Variants in SRRM2 observed in about 807,000 individuals in gnomAD.
SRRM2 encodes the protein serine/arginine repetitive matrix protein 2.
A neutral mutation model predicts 213.8 loss-of-function variants in SRRM2; 30 were observed. That is an observed-to-expected ratio of 0.14 (90% CI 0.10 to 0.19). The LOEUF (loss-of-function observed/expected upper bound fraction) is 0.19. Among genes scored for constraint, SRRM2 ranks in the 10% least tolerant of loss-of-function variants. The pLI is 1.00. For missense variants in SRRM2, 4,904 were observed against 3,647.0 expected (o/e 1.34, Z -8.88); for synonymous variants, 2,025 against 1,377.7 (o/e 1.47, Z -10.40).
chr16:2,761,922 G>A lies in SRRM2; in HGVS notation c.1394G>A (p.Gly465Asp). ...CCCACATCTAAGAATCGCTCACATG[G>A]CCGAGCAAAACGGGATAAATCACAT... ...SSPTSKNRSH[G>D]RAKRDKSHSH... Residue 465 changes from glycine to aspartate, a missense_variant, in exon 11 of 15, where the codon GGC (glycine) becomes GAC (aspartate). Gly to Asp is a moderately conservative substitution (Grantham distance 94). Coordinates refer to ENST00000301740, the MANE Select transcript of SRRM2 (RefSeq NM_016333.4). 6.2e-7 allele frequency: 1 copy of A among 1,613,862 alleles called. No homozygotes were observed. The highest frequency in any genetic ancestry group is 8.5e-7 in the Non-Finnish European group (1 of 1,180,012).
At chr16:2,757,968 T>G in intron 4 of SRRM2, 23 bp downstream of exon 4, 2 of 1,591,366 alleles carry the variant, frequency 1.3e-6, no homozygotes, top group Non-Finnish European at 1.7e-6. Context: ...AAGAAACCAC[T>G]GTCAGCTTCT....
intron 9 of SRRM2, chr16:2,760,049 A>G (rs1192171183): frequency 5.3e-6 from 3 of 561,880 alleles, no homozygotes; most frequent in South Asian, 4.2e-5. Context: ...GGCTGGGTGG[A>G]TGGTTTGGGG....
intron 5 of SRRM2, 56 bp from the exon 6 acceptor site, chr16:2,758,929 G>A: frequency 6.3e-7 from 1 of 1,599,836 alleles, no homozygotes; most frequent in Non-Finnish European, 8.6e-7. Context: ...GATTGTAAGT[G>A]GGAGGGCCAG....
chr16:2,760,913 C>T (rs2068321653), intron 10 of SRRM2: 1 of 169,350 alleles, frequency 5.9e-6, no homozygotes, highest in Non-Finnish European at 1.3e-5. Context: ...CAGTAGTCTT[C>T]TGTTCCAATT....
Position 2,770,851 on chromosome 16 carries a change from C to G in SRRM2, c.8250-7C>G, listed in dbSNP as rs1203441276. ...AACTCCCTGTTGACCCATATCTTCT[C>G]TTGCAGGTCTCCATAAATTGTCTTT... On this transcript the variant is annotated splice_polypyrimidine_tract_variant and splice_region_variant and intron_variant, in intron 14 of 14. Transcript: ENST00000301740. 1 of 1,614,092 alleles carries G rather than the reference C, an allele frequency of 6.2e-7. No homozygotes were observed. Among genetic ancestry groups the G allele is most frequent in the Non-Finnish European group, 8.5e-7 (1 of 1,180,018 alleles).
In SRRM2 at chr16:2,752,835, C is replaced by A; in HGVS notation, c.-43C>A. 1 of 280,502 alleles carries A rather than the reference C, an allele frequency of 3.6e-6. No individual in the cohort carries two copies. 17.4% of individuals were successfully genotyped at this position (280,502 alleles called of 1,614,324 possible). ...ACCTCTCCCCCTCGGAGGCGGCGGG[C>A]GGAGGCGGCGGGTGAGAGGGTGAGG... On this transcript the variant is annotated 5_prime_UTR_variant, in exon 1 of 15. Coordinates refer to ENST00000301740, the MANE Select transcript of SRRM2 (RefSeq NM_016333.4).
chr16:2,760,204 C>T, intron 9 of SRRM2, 97 bp from the exon 10 acceptor site: 1 of 1,225,464 alleles, frequency 8.2e-7, no homozygotes, highest in Non-Finnish European at 1.2e-6. Context: ...GAGGGTTGTC[C>T]AGTTAGGAAA....
chr16:2,767,357 G>T lies in SRRM2; in HGVS notation c.6829G>T (p.Val2277Leu). ...GAACTTGGCCAGCCCCAGAACAGCG[G>T]TGGCACCTTCGGCTGTGAACCTGGC... ...AMNLASPRTA[V>L]APSAVNLADP... Residue 2277 changes from valine to leucine, a missense_variant, in exon 11 of 15, where the codon GTG becomes TTG. By Grantham distance (32) the Val-to-Leu change is conservative. Transcript: ENST00000301740. 6.2e-7 allele frequency: 1 copy of T among 1,613,806 alleles called. No individual in the cohort carries two copies. Among genetic ancestry groups the T allele is most frequent in the Non-Finnish European group, 8.5e-7 (1 of 1,180,028 alleles).
chr16:2,758,524 GAAA>G lies in SRRM2; in HGVS notation c.573_575del (p.Lys194del). 6.2e-7 allele frequency: 1 copy of G among 1,614,104 alleles called. No homozygotes were observed. The highest frequency in any genetic ancestry group is 1.7e-5 in the Admixed American group (1 of 60,020). Reference sequence around the variant, plus strand: ...CACCAACCCCAAAGCAGAAGAAGAAGAAAAAGAAGAAAGATAGAGGACGGTAAG... The same window carrying G: ...CACCAACCCCAAAGCAGAAGAAGAAGAAGAAGAAAGATAGAGGACGGTAAG... On this transcript the variant is annotated inframe_deletion, in exon 5 of 15. Transcript: ENST00000301740.
At chr16:2,755,872 A>G (rs2068123002) in intron 1 of SRRM2, among the ~76,000 whole-genome samples, 1 of 152,146 alleles carries the variant, frequency 6.6e-6, no homozygotes, top group South Asian at 2.1e-4. Flanking sequence ...GTTGGGTGCC[A>G]CAGATCTGTG....
rs764370866 is a variant in SRRM2 at position 2,760,357 on chromosome 16, C to G, written c.890C>G (p.Ser297Cys). ...HTTALAGRSP[S>C]PASGRRGEGD... ...ACTGCCTTGGCTGGGCGAAGTCCTT[C>G]CCCTGCTTCAGGGCGACGCGGGGAG... Residue 297 changes from serine to cysteine, a missense_variant, in exon 10 of 15, where the codon TCC becomes TGC. Physicochemically the swap from Ser to Cys is moderately radical, Grantham distance 112. Transcript: ENST00000301740. The G allele has an allele frequency of 1.2e-6, 2 of 1,613,948 alleles. No homozygotes were observed. Among genetic ancestry groups the G allele is most frequent in the Non-Finnish European group, 1.7e-6 (2 of 1,180,034 alleles).
Position 2,768,999 on chromosome 16 carries a change from TCCCCAGCCCCA to T in SRRM2, c.7748_7758del (p.Thr2583LysfsTer22). ...GTGACACTCCTCTCCTCCCACAGGG[TCCCCAGCCCCA>T]CCCCAGCCCCAAAGGAGGCTGTTCG... On this transcript the variant is annotated frameshift_variant, in exon 12 of 15. Transcript: ENST00000301740. LOFTEE classifies it high-confidence loss of function. 6.2e-7 allele frequency: 1 copy of T among 1,612,620 alleles called. No individual in the cohort carries two copies. Among genetic ancestry groups the T allele is most frequent in the Non-Finnish European group, 8.5e-7 (1 of 1,179,422 alleles).
Position 2,766,022 on chromosome 16 carries a change from C to T in SRRM2, c.5494C>T (p.Arg1832Trp), listed in dbSNP as rs376191033. Residue 1832 changes from arginine (R) to tryptophan (W), a missense_variant, in exon 11 of 15, where the codon CGG (arginine) becomes TGG (tryptophan). Coordinates refer to ENST00000301740, the MANE Select transcript of SRRM2 (RefSeq NM_016333.4). This position sits in a 1 kb window ranked among gnomAD's most constrained non-coding sequence, Gnocchi z 7.0. ...SRSPARQESSRTSSRRRRGRS... is the reference protein window; with the variant it reads ...SRSPARQESSWTSSRRRRGRS... ...GTCACCTGCCCGGCAGGAAAGTTCCCGGACCTCCTCTCGACGCCGAAGAGG... is the reference window on the plus strand; with the variant it reads ...GTCACCTGCCCGGCAGGAAAGTTCCTGGACCTCCTCTCGACGCCGAAGAGG... The T allele has an allele frequency of 3.2e-5, 52 of 1,614,020 alleles. No homozygotes were observed. Among genetic ancestry groups the T allele is most frequent in the Non-Finnish European group, 3.3e-5 (39 of 1,180,038 alleles).
At chr16:2,759,749 G>A in intron 9 of SRRM2, 88 bp downstream of exon 9, 4 of 1,267,170 alleles carry the variant, frequency 3.2e-6, no homozygotes, top group Non-Finnish European at 4.5e-6. Context: ...TGTGCTAGGC[G>A]CTGCACAGAC....
At chr16:2,759,423 T>G (rs1260357163) in intron 8 of SRRM2, 21 bp downstream of exon 8, 2 of 1,593,160 alleles carry the variant, frequency 1.3e-6, no homozygotes, top group Non-Finnish European at 1.7e-6. Context: ...TTGTGGGGAA[T>G]TTGCTTAGGA....
chr16:2,768,351 C>T (rs2068618213), intron 11 of SRRM2, 90 bp downstream of exon 11: 4 of 1,423,072 alleles, frequency 2.8e-6, no homozygotes, highest in Non-Finnish European at 3.7e-6. Flanking sequence ...GTCACAGGTG[C>T]TTGGCTCTTG....
Position 2,762,610 on chromosome 16 carries a change from T to C in SRRM2, c.2082T>C (p.Ser694=). Reference sequence around the variant, plus strand: ...CAGCCAGGAGAGGGAGGTCTCGGTCTAGGACACCAAGACGAGGAAGATCCC... The same window carrying C: ...CAGCCAGGAGAGGGAGGTCTCGGTCCAGGACACCAAGACGAGGAAGATCCC... ...RTPARRGRSR[S]RTPRRGRSRS... Residue 694 remains serine (S), a synonymous_variant, in exon 11 of 15, where the codon TCT becomes TCC. Transcript: ENST00000301740. 1 of 1,614,084 alleles carries C rather than the reference T, an allele frequency of 6.2e-7. No individual in the cohort carries two copies. Among genetic ancestry groups the C allele is most frequent in the South Asian group, 1.1e-5 (1 of 91,074 alleles).
rs1365238293 is a variant in SRRM2, at chr16:2,770,391, C to T, written c.8061C>T (p.Asp2687=). Reference sequence around the variant, plus strand: ...GGAAGCCAATAGACTCCCTCAGGGACTCTCGGTCCCTCAGCTACTCGCCTG... The same window carrying T: ...GGAAGCCAATAGACTCCCTCAGGGATTCTCGGTCCCTCAGCTACTCGCCTG... ...SPRKPIDSLR[D]SRSLSYSPVE... The change falls in exon 13 of 15, where the codon GAC becomes GAT. Residue 2687 remains aspartate, a synonymous_variant. Transcript: ENST00000301740. 1.9e-6 allele frequency: 3 copies of T among 1,609,018 alleles called. No homozygotes were observed. The highest frequency in any genetic ancestry group is 1.7e-6 in the Non-Finnish European group (2 of 1,177,842).
chr16:2,757,934 C>G lies in SRRM2; in HGVS notation c.504C>G (p.Pro168=), dbSNP rs773517050. The G allele has an allele frequency of 3.1e-6, 5 of 1,613,906 alleles. No individual in the cohort carries two copies. The highest frequency in any genetic ancestry group is 4.2e-6 in the Non-Finnish European group (5 of 1,179,930). Residue 168 remains proline (P), a synonymous_variant, in exon 4 of 15, where the codon CCC becomes CCG. Coordinates refer to ENST00000301740, the MANE Select transcript of SRRM2 (RefSeq NM_016333.4). The part of the protein sequence containing the change: ...REAKQPAPEP[P]KPYSLVRESS... The stretch of plus-strand genomic sequence containing the variant: ...CTAAACAACCAGCTCCTGAGCCTCC[C>G]AAACCTTACAGGTATACAAGGCCAA...
Sources: allele counts gnomAD v4.1 joint callset (sites outside exome capture counted in the v4.1 genomes callset), GRCh38; gene constraint gnomAD v4.1.1; non-coding constraint Gnocchi (gnomAD v3.1); transcripts MANE v1.5; gene names NCBI Gene and HGNC (gene_info 2026-07-23, HGNC 2026-07-21).